NTM: variants seen among roughly 807,000 people sequenced by gnomAD.
NTM encodes the protein neurotrimin.
In NTM, 13 loss-of-function variants were observed where a neutral mutation model predicts 42.1. That is an observed-to-expected ratio of 0.31 (90% confidence interval 0.20 to 0.49). NTM has a LOEUF of 0.49. NTM is among the 20% of genes least tolerant of loss of function. The probability of loss-of-function intolerance (pLI) is 0.99; values close to 1 mark genes in which losing one functional copy is unlikely to be tolerated. For synonymous variants in NTM, 187 were observed against 179.2 expected (o/e 1.04, Z -0.35); for missense variants, 373 against 452.8 (o/e 0.82, Z 1.60).
At chr11:132,089,053 C>T (rs896621686) in intron 2 of NTM, among the ~76,000 whole-genome samples, 5 of 152,118 alleles carry the variant, frequency 3.3e-5, no homozygotes, top group Admixed American at 2.0e-4. Context: ...AGTGTTGTAG[C>T]AGTAGAGAAA....
At chr11:131,618,243 C>T (rs1168880300) in intron 1 of NTM, among the ~76,000 whole-genome samples, 3 of 152,216 alleles carry the variant, frequency 2.0e-5, no homozygotes, top group Admixed American at 6.5e-5. Context: ...CCCCTTCCCC[C>T]AAGCAGGTCT....
At chr11:132,014,011 A>G (rs2135449168) in intron 2 of NTM, among the ~76,000 whole-genome samples, 1 of 151,908 alleles carries the variant, frequency 6.6e-6, no homozygotes, top group African/African-American at 2.4e-5. Context: ...TTTTATTCCT[A>G]TATCCATTAG....
chr11:131,895,832 T>C (rs1046457880), intron 1 of NTM, among the ~76,000 whole-genome samples: 14 of 152,102 alleles, frequency 9.2e-5, no homozygotes, highest in African/African-American at 3.4e-4. Flanking sequence ...CTGAATAGGA[T>C]TTAGAAAGCT....
chr11:131,725,852 C>A (rs928674031), intron 1 of NTM, among the ~76,000 whole-genome samples: 5 of 152,158 alleles, frequency 3.3e-5, no homozygotes, highest in Non-Finnish European at 7.3e-5. Flanking sequence ...TGAATCAGAA[C>A]CACCTGGAGA....
At chr11:132,296,003 G>A (rs1228179258) in intron 4 of NTM, among the ~76,000 whole-genome samples, 2 of 152,200 alleles carry the variant, frequency 1.3e-5, no homozygotes, top group Admixed American at 6.5e-5. Flanking sequence ...AGTGGAAACA[G>A]CAGGGTTTGT....
chr11:132,274,932 A>G (rs1055375271), intron 4 of NTM, among the ~76,000 whole-genome samples: 1 of 152,156 alleles, frequency 6.6e-6, no homozygotes, highest in African/African-American at 2.4e-5. Flanking sequence ...CCATTTTCAA[A>G]TAAAATGCAT....
intron 1 of NTM, among the ~76,000 whole-genome samples, chr11:131,708,240 C>A (rs1354408186): frequency 6.6e-6 from 1 of 152,060 alleles, no homozygotes; most frequent in Non-Finnish European, 1.5e-5. Context: ...AACATGAATT[C>A]TTCAATAGTA....
chr11:132,018,131 C>T (rs756413062), intron 2 of NTM, among the ~76,000 whole-genome samples: 2 of 151,636 alleles, frequency 1.3e-5, no homozygotes, highest in Non-Finnish European at 3.0e-5. Context: ...GTCTCTCTGT[C>T]TCTCTTTTCC....
intron 1 of NTM, among the ~76,000 whole-genome samples, chr11:131,521,677 T>G (rs2049748607): frequency 6.6e-6 from 1 of 152,048 alleles, no homozygotes; most frequent in Non-Finnish European, 1.5e-5. Flanking sequence ...TCCACCTTCA[T>G]GACCCACACA....
intron 3 of NTM, among the ~76,000 whole-genome samples, chr11:132,164,873 A>G (rs2075014314): frequency 1.3e-5 from 2 of 152,198 alleles, no homozygotes; most frequent in Non-Finnish European, 2.9e-5. Flanking sequence ...CAAAGATGCC[A>G]TGGAGATTGG....
At chr11:131,798,535 A>T (rs1565565829) in intron 1 of NTM, among the ~76,000 whole-genome samples, 1 of 152,326 alleles carries the variant, frequency 6.6e-6, no homozygotes, top group South Asian at 2.1e-4. Context: ...CTGGGCATTT[A>T]CTATGTGCCA....
At chr11:132,077,722 A>T (rs1437762508) in intron 2 of NTM, among the ~76,000 whole-genome samples, 3 of 152,238 alleles carry the variant, frequency 2.0e-5, no homozygotes, top group African/African-American at 7.2e-5. Flanking sequence ...CTTATAGCCA[A>T]CAATAGAAGA....
chr11:132,154,443 T>C (rs4411282), intron 3 of NTM, among the ~76,000 whole-genome samples: 123,214 of 152,222 alleles, frequency 0.81, 50,087 homozygotes, highest in African/African-American at 0.87. Flanking sequence ...TTTCTACCAA[T>C]ACGTCAATTT....
intron 2 of NTM, among the ~76,000 whole-genome samples, chr11:131,937,986 A>C (rs541770022): frequency 7.2e-5 from 11 of 152,306 alleles, no homozygotes; most frequent in African/African-American, 2.4e-4. Context: ...GGATCCTAAT[A>C]GGCATGCTCT....
intron 2 of NTM, among the ~76,000 whole-genome samples, chr11:132,128,313 A>G (rs1436396817): frequency 6.6e-6 from 1 of 152,182 alleles, no homozygotes; most frequent in Non-Finnish European, 1.5e-5. Context: ...TTTCTAAACA[A>G]TGTCCTACAG....
intron 4 of NTM, among the ~76,000 whole-genome samples, chr11:132,237,696 G>T (rs1437961330): frequency 6.6e-6 from 1 of 152,120 alleles, no homozygotes; most frequent in Non-Finnish European, 1.5e-5. Context: ...CAAGCCAACT[G>T]TCCTCCCCTG....
chr11:132,116,924 G>A lies in NTM; in HGVS notation c.168-29358G>A, dbSNP rs142571691. 2.0e-5 allele frequency among the ~76,000 whole-genome samples: 3 copies of A among 152,252 alleles called. No individual in the cohort carries two copies. In the East Asian group the frequency reaches 5.8e-4, roughly 29 times the overall value. On this transcript the variant is annotated intron_variant, in intron 2 of 8. Coordinates refer to ENST00000683400, the MANE Select transcript of NTM (RefSeq NM_001352005.2). ...AAAGAACAATTCTGCAAGGAGCCCA[G>A]GTCGAAGAAAAGTAAGGGGGAAACT...
At position 131,877,049 on chromosome 11, in the gene NTM, G is replaced by A. The variant is rs561816087; in HGVS notation, c.83-34515G>A. Reference sequence around the variant, plus strand: ...AATTTTTGTGTTTTTAGTAGAGATGGGGTTTCTCCATGCTGTCCAGGCTGG... The same window carrying A: ...AATTTTTGTGTTTTTAGTAGAGATGAGGTTTCTCCATGCTGTCCAGGCTGG... On this transcript the variant is annotated intron_variant, in intron 1 of 8. Transcript: ENST00000683400. Among the ~76,000 whole-genome samples the A allele has an allele frequency of 8.6e-4, 131 of 152,178 alleles. 2 individuals carry two copies. Among genetic ancestry groups the A allele is most frequent in the African/African-American group, 3.0e-3 (125 of 41,502 alleles).
chr11:131,687,136 C>G (rs1217117219), intron 1 of NTM, among the ~76,000 whole-genome samples: 1 of 152,200 alleles, frequency 6.6e-6, no homozygotes, highest in African/African-American at 2.4e-5. Flanking sequence ...GGCCCCTCCA[C>G]GTCATGCAAT....
Sources: allele counts gnomAD v4.1 joint callset (sites outside exome capture counted in the v4.1 genomes callset), GRCh38; gene constraint gnomAD v4.1.1; transcripts MANE v1.5; gene names NCBI Gene and HGNC (gene_info 2026-07-23, HGNC 2026-07-21).